Variants in CACNA1E observed in about 807,000 individuals in gnomAD.
The protein encoded by CACNA1E is voltage-dependent R-type calcium channel subunit alpha-1E.
Under a neutral mutation model 259.2 loss-of-function variants are expected in CACNA1E, and 40 were observed. The ratio of observed to expected loss-of-function variants is 0.15; its 90% CI spans 0.12 to 0.20. The LOEUF (loss-of-function observed/expected upper bound fraction) is 0.20. Among genes scored for constraint, CACNA1E ranks in the 10% least tolerant of loss-of-function variants. The pLI, the probability that CACNA1E is intolerant of heterozygous loss-of-function variation, is 1.00. For missense variants in CACNA1E, 1,874 were observed against 3,040.1 expected, an observed-to-expected ratio of 0.62 and a Z score of 9.02; for synonymous variants, 1,104 against 1,138.5, an observed-to-expected ratio of 0.97 and a Z score of 0.61.
chr1:181,593,971 GT>G (rs1218255664), intron 6 of CACNA1E, among the ~76,000 whole-genome samples: 1 of 152,168 alleles, frequency 6.6e-6, no homozygotes, highest in Non-Finnish European at 1.5e-5. Flanking sequence ...TGGCAATGTA[GT>G]TTTTCATGAA....
At chr1:181,608,756 C>A (rs1476617279) in intron 6 of CACNA1E, among the ~76,000 whole-genome samples, 1 of 152,214 alleles carries the variant, frequency 6.6e-6, no homozygotes, top group East Asian at 1.9e-4. Flanking sequence ...TGTGCCAGGG[C>A]TTTGTGACCC....
At chr1:181,384,848 C>G (rs2102010953) in intron 1 of CACNA1E, among the ~76,000 whole-genome samples, 1 of 152,208 alleles carries the variant, frequency 6.6e-6, no homozygotes, top group Admixed American at 6.5e-5. Context: ...ATGTAACTAA[C>G]CTGCACATTG....
chr1:181,721,722 C>A, intron 15 of CACNA1E, 36 bp from the exon 16 acceptor site: 1 of 1,398,996 alleles, frequency 7.1e-7, no homozygotes, highest in South Asian at 1.2e-5. Context: ...TCCTCCAGCC[C>A]AGGTTTCTGA....
intron 2 of CACNA1E, among the ~76,000 whole-genome samples, chr1:181,471,657 C>T (rs555827034): frequency 6.6e-6 from 1 of 152,216 alleles, no homozygotes; most frequent in African/African-American, 2.4e-5. Context: ...AACCTAACAC[C>T]TCTTAGCCAA....
intron 1 of CACNA1E, among the ~76,000 whole-genome samples, chr1:181,357,252 G>A (rs1653518956): frequency 6.6e-6 from 1 of 152,188 alleles, no homozygotes; most frequent in Non-Finnish European, 1.5e-5. Flanking sequence ...TCCAGCGGAG[G>A]TGGCTCCCAC....
chr1:181,554,625 T>C (rs1388333747), intron 3 of CACNA1E, among the ~76,000 whole-genome samples: 6 of 152,232 alleles, frequency 3.9e-5, no homozygotes, highest in Non-Finnish European at 7.3e-5. Context: ...TCCCAGCCTG[T>C]GCCAGGCACT....
chr1:181,657,065 G>A (rs1049567767), intron 7 of CACNA1E, among the ~76,000 whole-genome samples: 1 of 152,092 alleles, frequency 6.6e-6, no homozygotes, highest in African/African-American at 2.4e-5. Context: ...ATATATGTAT[G>A]TATTTGTATA....
chr1:181,503,844 C>T (rs535317511), intron 1 of CACNA1E, among the ~76,000 whole-genome samples: 3 of 152,286 alleles, frequency 2.0e-5, no homozygotes. Flanking sequence ...CTTTTGCAGT[C>T]GGAGGCCTGG....
intron 3 of CACNA1E, among the ~76,000 whole-genome samples, chr1:181,535,027 G>A (rs1200513352): frequency 6.6e-6 from 1 of 152,052 alleles, no homozygotes; most frequent in Non-Finnish European, 1.5e-5. Flanking sequence ...AAAATTCAAG[G>A]TGAAAATATC....
intron 2 of CACNA1E, among the ~76,000 whole-genome samples, chr1:181,470,782 G>A (rs1263802228): frequency 6.6e-6 from 1 of 152,014 alleles, no homozygotes; most frequent in East Asian, 1.9e-4. Context: ...CCTACTGCTT[G>A]GCTCTTATCA....
intron 8 of CACNA1E, among the ~76,000 whole-genome samples, chr1:181,713,817 T>C (rs1470454782): frequency 2.6e-5 from 4 of 152,132 alleles, no homozygotes; most frequent in Non-Finnish European, 4.4e-5. Context: ...ATTTTGTTGA[T>C]GCACTTGGAG....
chr1:181,481,339 C>CAA (rs1448016360), upstream of CACNA1E, among the ~76,000 whole-genome samples: 2 of 138,846 alleles, frequency 1.4e-5, no homozygotes, highest in Non-Finnish European at 3.0e-5. Context: ...TTTTCCTACA[C>CAA]ACACACACAC....
chr1:181,685,469 G>T (rs901087840), intron 7 of CACNA1E, among the ~76,000 whole-genome samples: 2 of 152,018 alleles, frequency 1.3e-5, no homozygotes, highest in Admixed American at 6.6e-5. Flanking sequence ...CCTTACTGGA[G>T]GTCAGTCACC....
At chr1:181,701,589 G>A (rs1455245987) in intron 7 of CACNA1E, among the ~76,000 whole-genome samples, 2 of 152,210 alleles carry the variant, frequency 1.3e-5, no homozygotes, top group Non-Finnish European at 2.9e-5. Context: ...GACTGGCGGA[G>A]AATTAAACAG....
At chr1:181,735,388 G>A (rs995356005) in intron 21 of CACNA1E, among the ~76,000 whole-genome samples, 6 of 152,130 alleles carry the variant, frequency 3.9e-5, no homozygotes, top group Non-Finnish European at 7.4e-5. Flanking sequence ...TACTCTTTAG[G>A]AGGCCTGGGC....
chr1:181,508,147 T>TTGTGTGTGTGTGTGTGTGTG (rs55742094), intron 1 of CACNA1E, among the ~76,000 whole-genome samples: 9 of 148,852 alleles, frequency 6.0e-5, no homozygotes, highest in African/African-American at 2.0e-4. Flanking sequence ...CCCAAACGCC[T>TTGTGTGTGTGTGTGTGTGTG]TGTGTGTGTG....
intron 1 of CACNA1E, among the ~76,000 whole-genome samples, chr1:181,357,039 G>A (rs1653502963): frequency 6.6e-6 from 1 of 152,080 alleles, no homozygotes; most frequent in Admixed American, 6.5e-5. Flanking sequence ...CTTCTCTCGG[G>A]CTTCCTCTTC....
intron 7 of CACNA1E, among the ~76,000 whole-genome samples, chr1:181,666,721 T>TATAC (rs1558244105): frequency 6.6e-6 from 1 of 151,130 alleles, no homozygotes. Flanking sequence ...TATATATATA[T>TATAC]ACACACACAC....
rs551226128 is a variant in CACNA1E at position 181,512,454 on chromosome 1, G to A, written c.512+944G>A. ...GAGAGTGACTTAGAATGGCAGGGAA[G>A]GCGAAATATTAGCTACTACTGTGAT... is the stretch of plus-strand genomic sequence containing the variant. On this transcript the variant is annotated intron_variant, in intron 3 of 47. Transcript: ENST00000367573. 2.0e-5 allele frequency among the ~76,000 whole-genome samples: 3 copies of A among 152,292 alleles called. No homozygotes were observed. The South Asian group carries it at 6.2e-4, about 32-fold the overall frequency.
Sources: allele counts gnomAD v4.1 joint callset (sites outside exome capture counted in the v4.1 genomes callset), GRCh38; gene constraint gnomAD v4.1.1; transcripts MANE v1.5; gene names NCBI Gene and HGNC (gene_info 2026-07-23, HGNC 2026-07-21).